SSBP2: variants seen among roughly 807,000 people sequenced by gnomAD.
SSBP2 encodes the protein single stranded DNA binding protein 2, also known as single-stranded DNA-binding protein 2.
Under a neutral mutation model 61.8 loss-of-function variants are expected in SSBP2, and 17 were observed. The ratio of observed to expected loss-of-function variants is 0.28; its 90% CI spans 0.19 to 0.41. The LOEUF is 0.41. Ranked by LOEUF, SSBP2 falls within the 10% of genes least tolerant of loss-of-function variation. SSBP2 has a pLI of 1.00. For missense variants in SSBP2, 310 were observed against 458.7 expected, an observed-to-expected ratio of 0.68 and a Z score of 2.96; for synonymous variants, 139 against 141.3, an observed-to-expected ratio of 0.98 and a Z score of 0.12.
intron 4 of SSBP2, among the ~76,000 whole-genome samples, chr5:81,532,188 T>A (rs893197477): frequency 6.6e-6 from 1 of 152,082 alleles, no homozygotes; most frequent in Non-Finnish European, 1.5e-5. Flanking sequence ...TGTTCCTTAG[T>A]ATGGAGGAGG....
At chr5:81,452,775 C>T (rs1763860154) in intron 10 of SSBP2, among the ~76,000 whole-genome samples, 1 of 152,014 alleles carries the variant, frequency 6.6e-6, no homozygotes, top group South Asian at 2.1e-4. Context: ...TACCAGAAGA[C>T]ACTGAGGTAG....
chr5:81,604,194 A>T (rs1345884440), intron 4 of SSBP2, among the ~76,000 whole-genome samples: 3 of 151,978 alleles, frequency 2.0e-5, no homozygotes, highest in Non-Finnish European at 4.4e-5. Flanking sequence ...ACATGAGATA[A>T]AAGGTTTTCA....
intron 1 of SSBP2, among the ~76,000 whole-genome samples, chr5:81,677,633 T>C (rs1752081704): frequency 6.6e-6 from 1 of 152,118 alleles, no homozygotes; most frequent in Non-Finnish European, 1.5e-5. Flanking sequence ...AATACCCTAA[T>C]GCCTCTATCA....
At chr5:81,594,560 T>C (rs1007434578) in intron 4 of SSBP2, among the ~76,000 whole-genome samples, 27 of 152,060 alleles carry the variant, frequency 1.8e-4, no homozygotes, top group African/African-American at 5.3e-4. Flanking sequence ...CACCACACCA[T>C]GCCTACTCCA....
intron 1 of SSBP2, among the ~76,000 whole-genome samples, chr5:81,688,608 A>T (rs979868658): frequency 3.3e-5 from 5 of 152,190 alleles, no homozygotes; most frequent in Non-Finnish European, 5.9e-5. Context: ...AAAAAGAATA[A>T]GAGTTTCCAC....
chr5:81,661,628 T>C (rs989333308), intron 1 of SSBP2, among the ~76,000 whole-genome samples: 2 of 152,222 alleles, frequency 1.3e-5, no homozygotes, highest in African/African-American at 4.8e-5. Flanking sequence ...CATATACTTG[T>C]TGGCCATTGG....
intron 4 of SSBP2, among the ~76,000 whole-genome samples, chr5:81,591,905 G>C (rs1775536655): frequency 6.6e-6 from 1 of 152,244 alleles, no homozygotes; most frequent in African/African-American, 2.4e-5. Flanking sequence ...CTCCCAGTGT[G>C]AGCGACACAG....
intron 1 of SSBP2, among the ~76,000 whole-genome samples, chr5:81,663,199 T>A (rs1199686597): frequency 1.3e-5 from 2 of 152,320 alleles, no homozygotes; most frequent in East Asian, 3.9e-4. Flanking sequence ...CAAACAAGTT[T>A]ACCAAGAAAC....
At position 81,587,761 on chromosome 5, in the gene SSBP2, G is replaced by GTGCA. The variant is rs1554092918; in HGVS notation, c.282+27711_282+27712insTGCA. 6.2e-5 allele frequency among the ~76,000 whole-genome samples: 8 copies of GTGCA among 129,476 alleles called. No individual in the cohort carries two copies. In the East Asian group the frequency reaches 1.5e-3, roughly 25 times the overall value. 84.9% of individuals were successfully genotyped at this position (129,476 alleles called of 152,430 possible). On this transcript the variant is annotated intron_variant, in intron 4 of 16. Coordinates refer to ENST00000320672, the MANE Select transcript of SSBP2 (RefSeq NM_012446.5). ...TACACACACACGCACACACACGCGC[G>GTGCA]CGCACACACACACACACACACACTA...
chr5:81,662,348 T>A (rs1750763353), intron 1 of SSBP2, among the ~76,000 whole-genome samples: 1 of 151,900 alleles, frequency 6.6e-6, no homozygotes, highest in African/African-American at 2.4e-5. Context: ...ACGCCCGTAA[T>A]CCCAGCTACT....
intron 4 of SSBP2, among the ~76,000 whole-genome samples, chr5:81,581,894 A>G (rs1460875130): frequency 6.6e-6 from 1 of 152,210 alleles, no homozygotes; most frequent in Non-Finnish European, 1.5e-5. Context: ...CATAATTCTA[A>G]CTAAAAATAT....
chr5:81,668,421 C>CT (rs1384165174), intron 1 of SSBP2, among the ~76,000 whole-genome samples: 1 of 151,864 alleles, frequency 6.6e-6, no homozygotes, highest in African/African-American at 2.4e-5. Context: ...AATGACTAGG[C>CT]TGTAAGATTT....
chr5:81,552,338 C>T (rs1276985831), intron 4 of SSBP2, among the ~76,000 whole-genome samples: 1 of 152,024 alleles, frequency 6.6e-6, no homozygotes, highest in Non-Finnish European at 1.5e-5. Flanking sequence ...CAGAAATTTA[C>T]AGTCAAAACA....
At chr5:81,497,190 G>A (rs1452552846) in intron 5 of SSBP2, among the ~76,000 whole-genome samples, 2 of 152,154 alleles carry the variant, frequency 1.3e-5, no homozygotes, top group African/African-American at 4.8e-5. Context: ...GTAGTCTTTA[G>A]TCCAATTATT....
At chr5:81,600,620 A>G (rs372923869) in intron 4 of SSBP2, among the ~76,000 whole-genome samples, 8 of 151,808 alleles carry the variant, frequency 5.3e-5, no homozygotes, top group African/African-American at 1.9e-4. Flanking sequence ...CTAATGTTCC[A>G]TAATAATTCT....
chr5:81,649,238 T>G (rs766659891), intron 2 of SSBP2, among the ~76,000 whole-genome samples: 27 of 152,064 alleles, frequency 1.8e-4, no homozygotes, highest in Non-Finnish European at 3.2e-4. Flanking sequence ...CTTATAAGAA[T>G]TAGAGATAAT....
chr5:81,614,240 A>G (rs575598512), intron 4 of SSBP2, among the ~76,000 whole-genome samples: 73 of 151,918 alleles, frequency 4.8e-4, no homozygotes, highest in Non-Finnish European at 8.2e-4. Flanking sequence ...GGCGCCTGTA[A>G]TCCCAGCTAC....
chr5:81,726,312 A>G (rs888075747), intron 1 of SSBP2, among the ~76,000 whole-genome samples: 1 of 152,158 alleles, frequency 6.6e-6, no homozygotes, highest in Non-Finnish European at 1.5e-5. Context: ...AGGAGGGGGT[A>G]TTCCTGCCCC....
intron 3 of SSBP2, among the ~76,000 whole-genome samples, chr5:81,626,743 C>T (rs1294926695): frequency 2.0e-5 from 3 of 152,152 alleles, no homozygotes; most frequent in Non-Finnish European, 4.4e-5. Flanking sequence ...ATAGACATGA[C>T]TCAGAAGAGA....
Sources: allele counts gnomAD v4.1 joint callset (sites outside exome capture counted in the v4.1 genomes callset), GRCh38; gene constraint gnomAD v4.1.1; transcripts MANE v1.5; gene names NCBI Gene and HGNC (gene_info 2026-07-23, HGNC 2026-07-21).